The following POLK variants were observed in gnomAD, a reference collection of about 807,000 sequenced individuals.
POLK encodes the protein DNA polymerase kappa.
POLK carries 76 observed loss-of-function variants against 94.0 expected under a neutral mutation model. The ratio of observed to expected loss-of-function variants is 0.81; its 90% CI spans 0.67 to 0.98. POLK has a LOEUF of 0.98. POLK is among the 50% of genes least tolerant of loss of function. POLK has a pLI of 0.00. For missense variants in POLK, 954 were observed against 1,010.1 expected (o/e 0.94, Z 0.75); for synonymous variants, 349 against 325.4 (o/e 1.07, Z -0.78).
At chr5:75,566,376 G>A (rs1771270931) in intron 3 of POLK, among the ~76,000 whole-genome samples, 1 of 152,150 alleles carries the variant, frequency 6.6e-6, no homozygotes, top group Admixed American at 6.5e-5. Flanking sequence ...GGAATGAACG[G>A]TTCTGTCTCT....
intron 1 of POLK, among the ~76,000 whole-genome samples, chr5:75,542,784 C>G (rs1769813816): frequency 6.7e-6 from 1 of 149,696 alleles, no homozygotes; most frequent in African/African-American, 2.4e-5. Flanking sequence ...TGCAACCTGG[C>G]TCACTGCAAC....
At chr5:75,576,432 C>A (rs369717588) in intron 5 of POLK, among the ~76,000 whole-genome samples, 7 of 152,106 alleles carry the variant, frequency 4.6e-5, no homozygotes, top group Admixed American at 4.6e-4. Flanking sequence ...CAGCTTCTGA[C>A]GAGCTACCTA....
intron 1 of POLK, among the ~76,000 whole-genome samples, chr5:75,539,054 G>C (rs139327078): frequency 3.9e-5 from 6 of 152,308 alleles, no homozygotes; most frequent in African/African-American, 1.2e-4. Context: ...TTACAGGCAT[G>C]AGCCACCGTG....
intron 1 of POLK, among the ~76,000 whole-genome samples, chr5:75,527,445 A>ACT (rs1057160273): frequency 1.3e-5 from 2 of 149,528 alleles, no homozygotes; most frequent in African/African-American, 4.9e-5. Flanking sequence ...GAATGACTGT[A>ACT]CTCCAGCCTG....
At chr5:75,582,128 G>A (rs1772225668) in intron 7 of POLK, 2 of 987,304 alleles carry the variant, frequency 2.0e-6, no homozygotes, top group Non-Finnish European at 2.4e-6. Flanking sequence ...CACAAGGTAA[G>A]AGACAAAAGA....
intron 1 of POLK, among the ~76,000 whole-genome samples, chr5:75,522,915 A>C (rs1305314274): frequency 6.6e-6 from 1 of 152,146 alleles, no homozygotes; most frequent in Non-Finnish European, 1.5e-5. Flanking sequence ...AAGATATAAA[A>C]TATTAATGTT....
At chr5:75,576,642 T>A (rs1413094816) in intron 5 of POLK, 138 bp from the exon 6 acceptor site, 1 of 421,830 alleles carries the variant, frequency 2.4e-6, no homozygotes, top group African/African-American at 2.1e-5. Context: ...TATTTATTCC[T>A]TAAATCCATG....
intron 6 of POLK, 150 bp from the exon 7 acceptor site, chr5:75,581,059 G>A: frequency 3.3e-6 from 2 of 599,232 alleles, no homozygotes; most frequent in Non-Finnish European, 5.8e-6. Context: ...AACATTAAAT[G>A]ATAAATGATG....
chr5:75,587,172 T>G, intron 10 of POLK, 114 bp downstream of exon 10: 1 of 645,366 alleles, frequency 1.5e-6, no homozygotes, highest in Non-Finnish European at 2.7e-6. Flanking sequence ...CAAATTACTA[T>G]AACAGTTTTT....
intron 4 of POLK, 132 bp from the exon 5 acceptor site, chr5:75,573,606 C>A: frequency 1.1e-5 from 8 of 728,176 alleles, no homozygotes; most frequent in East Asian, 2.7e-5. Flanking sequence ...AAAACAAAAA[C>A]AAAAAACTGG....
intron 9 of POLK, among the ~76,000 whole-genome samples, chr5:75,585,775 A>G (rs755338917): frequency 4.6e-5 from 7 of 152,244 alleles, no homozygotes; most frequent in Non-Finnish European, 1.0e-4. Flanking sequence ...CAATTTTGTC[A>G]TCACCTTGTC....
At chr5:75,576,034 T>A in intron 5 of POLK, among the ~76,000 whole-genome samples, 1 of 152,112 alleles carries the variant, frequency 6.6e-6, no homozygotes, top group East Asian at 1.9e-4. Flanking sequence ...AAAAAAGTCA[T>A]AGTTTTATGT....
intron 1 of POLK, among the ~76,000 whole-genome samples, chr5:75,530,378 A>AT (rs1186666945): frequency 1.1e-4 from 4 of 36,568 alleles, no homozygotes; most frequent in African/African-American, 3.2e-4. Flanking sequence ...GCCTCTTTGT[A>AT]TTTTTTTTTC....
chr5:75,582,123 G>A (rs1192084069), intron 7 of POLK: 1 of 987,196 alleles, frequency 1.0e-6, no homozygotes, highest in Non-Finnish European at 1.2e-6. Flanking sequence ...ACGGCCACAA[G>A]GTAAGAGACA....
At chr5:75,577,029 G>T in intron 6 of POLK, 96 bp downstream of exon 6, 1 of 688,402 alleles carries the variant, frequency 1.5e-6, no homozygotes, top group Non-Finnish European at 2.3e-6. Flanking sequence ...AGCCTGCATA[G>T]GTAGAAGGGA....
chr5:75,580,852 TAAAGA>T (rs1198054863), intron 6 of POLK, among the ~76,000 whole-genome samples: 2 of 150,298 alleles, frequency 1.3e-5, no homozygotes, highest in Non-Finnish European at 3.0e-5. Context: ...TAAAGAAGAA[TAAAGA>T]AAAGATTTCC....
chr5:75,512,007 C>A, intron 1 of POLK, 93 bp downstream of exon 1: 1 of 567,200 alleles, frequency 1.8e-6, no homozygotes, highest in Non-Finnish European at 3.2e-6. Flanking sequence ...AGCCCCTCGG[C>A]CTCGCTTCTA....
chr5:75,540,750 A>G (rs1769697066), intron 1 of POLK, among the ~76,000 whole-genome samples: 3 of 152,202 alleles, frequency 2.0e-5, no homozygotes, highest in Admixed American at 1.3e-4. Context: ...AAACAAAATT[A>G]GTCTGTTTAG....
At chr5:75,560,098 C>G (rs1013532510) in intron 3 of POLK, among the ~76,000 whole-genome samples, 2 of 152,096 alleles carry the variant, frequency 1.3e-5, no homozygotes, top group Non-Finnish European at 2.9e-5. Flanking sequence ...TCAGAGTAAC[C>G]TGGTTTCAGT....
Sources: gnomAD v4.1 joint callset for allele counts (sites outside exome capture counted in the v4.1 genomes callset) on GRCh38, gnomAD v4.1.1 for gene constraint, MANE v1.5 for transcripts, NCBI Gene and HGNC (gene_info 2026-07-23, HGNC 2026-07-21) for gene names.